Variants in SLC44A5 observed in about 807,000 individuals in gnomAD.
SLC44A5 encodes the protein solute carrier family 44 member 5.
In SLC44A5, 57 loss-of-function variants were observed where a neutral mutation model predicts 101.8. The observed-to-expected ratio is 0.56, with a 90% CI of 0.45 to 0.70. SLC44A5 has a LOEUF of 0.70. SLC44A5 is among the 30% of genes least tolerant of loss of function. SLC44A5 has a pLI of 0.00. For missense variants in SLC44A5, 737 were observed against 853.1 expected (o/e 0.86, Z 1.70); for synonymous variants, 281 against 290.9 (o/e 0.97, Z 0.35).
chr1:75,668,907 A>C, the SLC44A5 span, among the ~76,000 whole-genome samples: 1 of 151,376 alleles, frequency 6.6e-6, no homozygotes, highest in African/African-American at 2.5e-5. Flanking sequence ...GGGCAGGAGA[A>C]TCACTAGAAT....
the SLC44A5 span, among the ~76,000 whole-genome samples, chr1:75,638,513 A>G: frequency 2.0e-5 from 3 of 152,074 alleles, no homozygotes; most frequent in Non-Finnish European, 4.4e-5. Flanking sequence ...GGTGCAGTCT[A>G]GGTTTAACTA....
At chr1:75,677,767 G>C in the SLC44A5 span, 4 of 439,274 alleles carry the variant, frequency 9.1e-6, no homozygotes, top group South Asian at 6.4e-5. Flanking sequence ...AACCAAGATG[G>C]CCGAATAGGA....
chr1:75,606,466 A>T (rs1675330563), intron 1 of SLC44A5, among the ~76,000 whole-genome samples: 2 of 152,062 alleles, frequency 1.3e-5, no homozygotes, highest in African/African-American at 4.8e-5. Flanking sequence ...ATAGTAACAA[A>T]CAACAAGGAA....
chr1:75,205,878 T>G (rs576219023), intron 23 of SLC44A5: 1 of 152,278 alleles, frequency 6.6e-6, no homozygotes, highest in African/African-American at 2.4e-5. Flanking sequence ...ACAATTTCAG[T>G]TTTGTTCAGA....
At chr1:75,560,557 G>A (rs1205394800) in intron 1 of SLC44A5, among the ~76,000 whole-genome samples, 1 of 152,118 alleles carries the variant, frequency 6.6e-6, no homozygotes, top group Non-Finnish European at 1.5e-5. Context: ...AAATGAAATT[G>A]GACACTGTAA....
chr1:75,672,228 C>A, the SLC44A5 span, among the ~76,000 whole-genome samples: 1,820 of 152,244 alleles, frequency 0.012, 34 homozygotes, highest in African/African-American at 0.043. Context: ...ATTGCCTATG[C>A]CACCCTTCCC....
chr1:75,434,130 T>C (rs1259079608), intron 2 of SLC44A5, among the ~76,000 whole-genome samples: 1 of 152,100 alleles, frequency 6.6e-6, no homozygotes, highest in Non-Finnish European at 1.5e-5. Flanking sequence ...AGCCCTCCTT[T>C]CCTCTGTGTT....
intron 2 of SLC44A5, among the ~76,000 whole-genome samples, chr1:75,453,243 C>A (rs933524656): frequency 6.6e-6 from 1 of 152,102 alleles, no homozygotes; most frequent in African/African-American, 2.4e-5. Flanking sequence ...CTCAAAACCA[C>A]ACAATTACAT....
At chr1:75,471,931 C>T (rs145575969) in intron 2 of SLC44A5, among the ~76,000 whole-genome samples, 6 of 151,198 alleles carry the variant, frequency 4.0e-5, no homozygotes, top group African/African-American at 1.5e-4. Flanking sequence ...TTTTTATTTT[C>T]CAGACCCATA....
chr1:75,474,334 C>A (rs1256679752), intron 2 of SLC44A5, among the ~76,000 whole-genome samples: 1 of 152,198 alleles, frequency 6.6e-6, no homozygotes, highest in African/African-American at 2.4e-5. Context: ...TCATTTAACA[C>A]TGCATACTAA....
intron 5 of SLC44A5, among the ~76,000 whole-genome samples, chr1:75,287,735 C>T (rs552382017): frequency 3.9e-5 from 6 of 152,222 alleles, no homozygotes; most frequent in African/African-American, 1.4e-4. Context: ...TCTAGCCACC[C>T]AGTGGAACTA....
chr1:75,605,612 T>C (rs1305147850), intron 1 of SLC44A5, among the ~76,000 whole-genome samples: 1 of 152,004 alleles, frequency 6.6e-6, no homozygotes, highest in African/African-American at 2.4e-5. Context: ...GAATGAGGAA[T>C]TTTTCACCAT....
chr1:75,703,089 G>A, the SLC44A5 span, among the ~76,000 whole-genome samples: 191 of 150,862 alleles, frequency 1.3e-3, no homozygotes, highest in African/African-American at 4.4e-3. Context: ...AACCATTGTG[G>A]AAGTCAGTGT....
intron 2 of SLC44A5, among the ~76,000 whole-genome samples, chr1:75,463,948 C>T (rs963804739): frequency 1.1e-4 from 17 of 152,106 alleles, no homozygotes; most frequent in South Asian, 2.1e-4. Context: ...AGAGGCCGGG[C>T]GCAGTGGCTC....
intron 3 of SLC44A5, among the ~76,000 whole-genome samples, chr1:75,385,487 A>G (rs1274068590): frequency 6.6e-6 from 1 of 152,028 alleles, no homozygotes; most frequent in African/African-American, 2.4e-5. Flanking sequence ...CGACACATAC[A>G]CTCTCCCAAG....
intron 6 of SLC44A5, among the ~76,000 whole-genome samples, chr1:75,265,034 T>A (rs1318671926): frequency 6.6e-6 from 1 of 152,112 alleles, no homozygotes; most frequent in African/African-American, 2.4e-5. Flanking sequence ...CATGGACACA[T>A]ATAACCTACC....
At position 75,501,009 on chromosome 1, in the gene SLC44A5, T is replaced by C. The variant is rs1486555465; in HGVS notation, c.13+40426A>G. On this transcript the variant is annotated intron_variant, in intron 2 of 23. Transcript: ENST00000370859. ...AATATTACAATATACACAATATGCT[T>C]AAGGCAAAGTCACGCATTTAATAAA... is the stretch of plus-strand genomic sequence containing the variant. Among the ~76,000 whole-genome samples the C allele has an allele frequency of 2.6e-5, 4 of 152,204 alleles. No individual in the cohort carries two copies. The East Asian group carries it at 5.8e-4, about 22-fold the overall frequency.
At chr1:75,561,540 A>G (rs1373450050) in intron 1 of SLC44A5, among the ~76,000 whole-genome samples, 1 of 152,168 alleles carries the variant, frequency 6.6e-6, no homozygotes, top group Admixed American at 6.5e-5. Flanking sequence ...CAATATTTCA[A>G]TATCATAGGT....
intron 2 of SLC44A5, among the ~76,000 whole-genome samples, chr1:75,482,950 C>T (rs1312050005): frequency 1.3e-5 from 2 of 152,044 alleles, no homozygotes; most frequent in African/African-American, 2.4e-5. Flanking sequence ...TCACATGATA[C>T]GTTAAGTTTA....
Sources: gnomAD v4.1 joint callset for allele counts (sites outside exome capture counted in the v4.1 genomes callset) on GRCh38, gnomAD v4.1.1 for gene constraint, MANE v1.5 for transcripts, NCBI Gene and HGNC (gene_info 2026-07-23, HGNC 2026-07-21) for gene names.